The following SLC9C1 variants were observed in gnomAD, a reference collection of about 807,000 sequenced individuals.
The protein encoded by SLC9C1 is solute carrier family 9 member C1.
In SLC9C1, 97 loss-of-function variants were observed where a neutral mutation model predicts 140.9. That is an observed-to-expected ratio of 0.69 (90% CI 0.58 to 0.82). The LOEUF is 0.82. Among genes scored for constraint, SLC9C1 ranks in the 40% least tolerant of loss-of-function variants. The pLI, the probability that SLC9C1 is intolerant of heterozygous loss-of-function variation, is 0.00. For synonymous variants in SLC9C1, 440 were observed against 442.6 expected (o/e 0.99, Z 0.07); for missense variants, 1,340 against 1,389.3 (o/e 0.96, Z 0.56).
chr3:112,292,215 C>T (rs2080704267), intron 1 of SLC9C1, among the ~76,000 whole-genome samples: 3 of 152,146 alleles, frequency 2.0e-5, no homozygotes, highest in African/African-American at 7.2e-5. Context: ...ATCTCCATGA[C>T]ATGAATTTAC....
chr3:112,152,751 G>T (rs559217139), intron 27 of SLC9C1, among the ~76,000 whole-genome samples: 1 of 152,236 alleles, frequency 6.6e-6, no homozygotes, highest in South Asian at 2.1e-4. Context: ...GAATGGCGAT[G>T]ACTTTTACCA....
chr3:112,152,680 T>C (rs898736477), intron 27 of SLC9C1, among the ~76,000 whole-genome samples: 2 of 152,170 alleles, frequency 1.3e-5, no homozygotes, highest in Non-Finnish European at 2.9e-5. Context: ...CCAGGCTTTC[T>C]TGGGTAGAGG....
intron 26 of SLC9C1, among the ~76,000 whole-genome samples, chr3:112,156,095 C>T (rs1263806123): frequency 1.3e-5 from 2 of 151,932 alleles, no homozygotes; most frequent in Admixed American, 6.6e-5. Context: ...AATACTAGAA[C>T]TTTTCCCCTC....
rs1161427551 is a variant in SLC9C1 at position 112,204,228 on chromosome 3, C to T, written c.2162G>A (p.Arg721His). The T allele has an allele frequency of 4.7e-6, 7 of 1,489,494 alleles. No individual in the cohort carries two copies. Among genetic ancestry groups the T allele is most frequent in the African/African-American group, 1.5e-5 (1 of 67,988 alleles). 92.3% of individuals were successfully genotyped at this position (1,489,494 alleles called of 1,614,324 possible). ...TTACTGGTTCTTTACCTTGAAAATGCGTAGTATACGAAAAAATTGAACAAC... is the reference window on the plus strand; with the variant it reads ...TTACTGGTTCTTTACCTTGAAAATGTGTAGTATACGAAAAAATTGAACAAC... ...IKVVQFFRIL[R>H]IFKLIAPKLL... Residue 721 changes from arginine to histidine, a missense_variant, in exon 17 of 29, where the codon CGC (arginine) becomes CAC (histidine). Arg to His is a conservative substitution (Grantham distance 29, BLOSUM62 0). Transcript: ENST00000305815.
chr3:112,208,455 T>A (rs1298194414), intron 15 of SLC9C1, 82 bp from the exon 16 acceptor site: 1 of 964,942 alleles, frequency 1.0e-6, no homozygotes, highest in Non-Finnish European at 1.5e-6. Flanking sequence ...GTTCTACTTA[T>A]CAACAGCTGC....
intron 10 of SLC9C1, among the ~76,000 whole-genome samples, chr3:112,251,306 G>T (rs748337072): frequency 2.0e-5 from 3 of 152,074 alleles, no homozygotes; most frequent in African/African-American, 7.2e-5. Flanking sequence ...CAGGGAAGTG[G>T]TGTGTGAGTG....
At chr3:112,252,343 C>T (rs1359960237) in intron 10 of SLC9C1, among the ~76,000 whole-genome samples, 1 of 151,796 alleles carries the variant, frequency 6.6e-6, no homozygotes, top group Admixed American at 6.6e-5. Flanking sequence ...TGACCACCCC[C>T]ACCAGTGTTT....
Position 112,286,765 on chromosome 3 carries a change from A to G in SLC9C1, c.27T>C (p.Phe9=). The stretch of plus-strand genomic sequence containing the variant: ...CTTCAGGGAGGTCCTCAGTACTGAA[A>G]AAAAACTCCTTAAATATTCCAGCCA... MAGIFKEF[F]FSTEDLPEVI... is the part of the protein sequence containing the mutation. Residue 9 remains phenylalanine, a synonymous_variant, in exon 2 of 29, where the codon TTT becomes TTC. Transcript: ENST00000305815. 3 of 1,612,506 alleles carry G rather than the reference A, an allele frequency of 1.9e-6. No homozygotes were observed. Among genetic ancestry groups the G allele is most frequent in the Non-Finnish European group, 1.7e-6 (2 of 1,179,466 alleles).
chr3:112,278,846 G>A lies in SLC9C1; in HGVS notation c.201C>T (p.Tyr67=), dbSNP rs202221594. Residue 67 remains tyrosine, a synonymous_variant, in exon 4 of 29, where the codon TAC becomes TAT. Transcript: ENST00000305815. ...GACTCATCCATTGTATGGCGTTTGC[G>A]TATCTTTGGACCTAATATTATACAA... The part of the protein sequence containing the change: ...LSFTSSQVQR[Y]ANAIQWMSPD... 8.9e-5 allele frequency: 143 copies of A among 1,604,344 alleles called. No homozygotes were observed. Among genetic ancestry groups the A allele is most frequent in the Admixed American group, 3.5e-4 (20 of 57,460 alleles).
intron 6 of SLC9C1, among the ~76,000 whole-genome samples, chr3:112,271,536 A>G (rs2080078585): frequency 6.6e-6 from 1 of 151,970 alleles, no homozygotes; most frequent in African/African-American, 2.4e-5. Flanking sequence ...GTGTTGAAAG[A>G]GTTTATTTTC....
At chr3:112,270,215 T>A (rs1357100128) in intron 6 of SLC9C1, 138 bp from the exon 7 acceptor site, 1 of 767,596 alleles carries the variant, frequency 1.3e-6, no homozygotes, top group East Asian at 3.0e-5. Context: ...AGTGCAGATA[T>A]CCCTGGGACA....
chr3:112,293,158 G>A (rs1416890765), intron 1 of SLC9C1, among the ~76,000 whole-genome samples: 1 of 150,702 alleles, frequency 6.6e-6, no homozygotes, highest in Admixed American at 6.6e-5. Flanking sequence ...GCACATGCCT[G>A]TAATCCCAAC....
chr3:112,177,418 C>A (rs1193602288), intron 23 of SLC9C1, among the ~76,000 whole-genome samples: 1 of 151,942 alleles, frequency 6.6e-6, no homozygotes, highest in Non-Finnish European at 1.5e-5. Flanking sequence ...AACCACCACA[C>A]AGGCTACTTG....
chr3:112,252,268 G>C (rs1054957299), intron 10 of SLC9C1, among the ~76,000 whole-genome samples: 1 of 152,134 alleles, frequency 6.6e-6, no homozygotes, highest in African/African-American at 2.4e-5. Flanking sequence ...CAGCCAGACT[G>C]CATTTTCACA....
chr3:112,227,362 T>G (rs1016092308), intron 13 of SLC9C1, among the ~76,000 whole-genome samples: 1 of 152,036 alleles, frequency 6.6e-6, no homozygotes, highest in African/African-American at 2.4e-5. Flanking sequence ...GCAAACAAAG[T>G]CTAACAGCAC....
At chr3:112,150,096 C>G (rs186755201) in intron 28 of SLC9C1, among the ~76,000 whole-genome samples, 1 of 152,284 alleles carries the variant, frequency 6.6e-6, no homozygotes, top group Admixed American at 6.5e-5. Flanking sequence ...ATTCTAGCAC[C>G]TACTGTTGAG....
At chr3:112,255,945 T>A (rs979491732) in intron 10 of SLC9C1, among the ~76,000 whole-genome samples, 1 of 152,160 alleles carries the variant, frequency 6.6e-6, no homozygotes, top group African/African-American at 2.4e-5. Context: ...GAGACTACTA[T>A]GAACACCCCT....
chr3:112,157,318 G>C (rs2075153053), intron 26 of SLC9C1, among the ~76,000 whole-genome samples: 1 of 151,858 alleles, frequency 6.6e-6, no homozygotes, highest in Non-Finnish European at 1.5e-5. Flanking sequence ...TGTTGAAAAC[G>C]AGTTGGCTAT....
At position 112,280,678 on chromosome 3, in the gene SLC9C1, C is replaced by T; in HGVS notation, c.189+5G>A. ...TAGTGTAAAATACTCATTTACAATA[C>T]ACACCTGTGAAGATGTAAAGCTTAA... On this transcript the variant is annotated splice_donor_5th_base_variant and intron_variant, in intron 3 of 28. Coordinates refer to ENST00000305815, the MANE Select transcript of SLC9C1 (RefSeq NM_183061.3). 1 of 1,587,840 alleles carries T rather than the reference C, an allele frequency of 6.3e-7. No homozygotes were observed. Among genetic ancestry groups the T allele is most frequent in the African/African-American group, 1.4e-5 (1 of 73,366 alleles).
Sources: allele counts gnomAD v4.1 joint callset (sites outside exome capture counted in the v4.1 genomes callset), GRCh38; gene constraint gnomAD v4.1.1; transcripts MANE v1.5; gene names NCBI Gene and HGNC (gene_info 2026-07-23, HGNC 2026-07-21).